Variants in ATG5 observed in about 807,000 individuals in gnomAD.
ATG5 encodes autophagy related 5.
Under a neutral mutation model 36.5 loss-of-function variants are expected in ATG5, and 14 were observed. The ratio of observed to expected loss-of-function variants is 0.38; its 90% CI spans 0.25 to 0.60. The LOEUF is 0.60. Ranked by LOEUF, ATG5 falls within the 20% of genes least tolerant of loss-of-function variation. ATG5 has a pLI of 0.60. For synonymous variants in ATG5, 95 were observed against 101.5 expected (o/e 0.94, Z 0.38); for missense variants, 195 against 326.7 (o/e 0.60, Z 3.11).
intron 7 of ATG5, among the ~76,000 whole-genome samples, chr6:106,193,190 G>C (rs1394365337): frequency 6.6e-6 from 1 of 152,136 alleles, no homozygotes; most frequent in Non-Finnish European, 1.5e-5. Flanking sequence ...AACAGAAGGA[G>C]AGTGCTGTTT....
intron 7 of ATG5, among the ~76,000 whole-genome samples, chr6:106,193,610 G>A (rs1277133538): frequency 2.0e-5 from 3 of 152,076 alleles, no homozygotes; most frequent in Admixed American, 2.0e-4. Context: ...TAAAAATGTG[G>A]TAAAAGTTAA....
At chr6:106,291,640 C>T (rs1050088762) in intron 4 of ATG5, among the ~76,000 whole-genome samples, 16 of 152,050 alleles carry the variant, frequency 1.1e-4, no homozygotes, top group Non-Finnish European at 2.2e-4. Context: ...TTTTCACACA[C>T]AAAAAAATCT....
intron 3 of ATG5, among the ~76,000 whole-genome samples, chr6:106,296,601 T>C (rs745833388): frequency 6.6e-6 from 1 of 152,190 alleles, no homozygotes; most frequent in Admixed American, 6.5e-5. Context: ...GTGGTTCACC[T>C]GAGGTTAGGA....
intron 6 of ATG5, among the ~76,000 whole-genome samples, chr6:106,218,227 T>C (rs1369484097): frequency 2.0e-5 from 3 of 152,172 alleles, no homozygotes; most frequent in African/African-American, 7.2e-5. Flanking sequence ...TAAAAGATGA[T>C]AAACATGGCC....
intron 3 of ATG5, among the ~76,000 whole-genome samples, chr6:106,305,819 C>T (rs1389569583): frequency 6.6e-6 from 1 of 152,156 alleles, no homozygotes; most frequent in Non-Finnish European, 1.5e-5. Flanking sequence ...ATATTGATAG[C>T]CTATTTCCAG....
intron 6 of ATG5, among the ~76,000 whole-genome samples, chr6:106,241,432 T>C (rs940165873): frequency 5.3e-5 from 8 of 152,180 alleles, no homozygotes; most frequent in African/African-American, 1.7e-4. Context: ...GAAAACAGTA[T>C]GGCCATTCCT....
chr6:106,196,629 C>T (rs1165306790), intron 7 of ATG5, among the ~76,000 whole-genome samples: 1 of 151,796 alleles, frequency 6.6e-6, no homozygotes, highest in Non-Finnish European at 1.5e-5. Context: ...GTGACCGAAG[C>T]ACAAGATTGC....
chr6:106,194,207 G>A (rs1023889632), intron 7 of ATG5, among the ~76,000 whole-genome samples: 2 of 152,180 alleles, frequency 1.3e-5, no homozygotes, highest in Admixed American at 6.5e-5. Context: ...GCAATCTGAT[G>A]AGGTTTGGGA....
Position 106,292,943 on chromosome 6 carries a change from A to T in ATG5, c.315+85T>A, listed in dbSNP as rs570996928. The T allele has an allele frequency of 1.3e-5, 14 of 1,068,600 alleles. No individual in the cohort carries two copies. In the South Asian group the frequency reaches 1.7e-4, roughly 13 times the overall value. The allele number at this position is 1,068,600 out of a possible 1,614,324, so 66.2% of individuals were successfully genotyped here. A position where few individuals can be genotyped will look rare whatever the true frequency, so the allele number is the denominator to read the frequency against. ...CAGTGTCAGGGGAAAAGCAATAAATAACTTCACTTAAAAAGAAAATTCTAC... is the reference window on the plus strand; with the variant it reads ...CAGTGTCAGGGGAAAAGCAATAAATTACTTCACTTAAAAAGAAAATTCTAC... On this transcript the variant is annotated intron_variant, in intron 4 of 7. Transcript: ENST00000369076.
At chr6:106,308,936 A>G (rs17066751) in intron 2 of ATG5, among the ~76,000 whole-genome samples, 3,750 of 152,296 alleles carry the variant, frequency 0.025, 65 homozygotes, top group African/African-American at 0.049. Context: ...CCAGTCCATC[A>G]TGTTTTGAAG....
chr6:106,311,572 G>A (rs536448561), intron 2 of ATG5, among the ~76,000 whole-genome samples: 30 of 152,332 alleles, frequency 2.0e-4, no homozygotes, highest in Non-Finnish European at 4.1e-4. Context: ...TTTGAGTGAA[G>A]TCTAAGATGC....
intron 6 of ATG5, among the ~76,000 whole-genome samples, chr6:106,230,595 C>G (rs1313561992): frequency 1.3e-5 from 2 of 152,152 alleles, no homozygotes; most frequent in Non-Finnish European, 2.9e-5. Context: ...ATAGAGGACG[C>G]TCTAGGACTA....
chr6:106,186,480 G>T lies in ATG5; in HGVS notation c.*60C>A. 1.3e-6 allele frequency: 2 copies of T among 1,586,284 alleles called. No homozygotes were observed. The highest frequency in any genetic ancestry group is 4.5e-5 in the East Asian group (2 of 44,624). On this transcript the variant is annotated 3_prime_UTR_variant, in exon 8 of 8. Coordinates refer to ENST00000369076, the MANE Select transcript of ATG5 (RefSeq NM_004849.4). ...CACCAAACCTGATTGAAGCAAAAGG[G>T]TGACATGCTCTGATAAATCCCATTT...
chr6:106,281,104 AAG>A (rs1779862527), intron 4 of ATG5, among the ~76,000 whole-genome samples: 1 of 152,182 alleles, frequency 6.6e-6, no homozygotes, highest in African/African-American at 2.4e-5. Flanking sequence ...AAGATAAAGA[AAG>A]AAGCTCCTGA....
intron 3 of ATG5, among the ~76,000 whole-genome samples, chr6:106,297,847 G>A (rs1162445235): frequency 6.6e-6 from 1 of 151,578 alleles, no homozygotes; most frequent in Non-Finnish European, 1.5e-5. Flanking sequence ...GAGGCAGGTG[G>A]ATTGCTTGAG....
rs1049441356 is a variant in ATG5 at position 106,185,691 on chromosome 6, T to G, written c.*849A>C. The G allele has an allele frequency of 6.6e-6, 1 of 152,306 alleles. No individual in the cohort carries two copies. Among genetic ancestry groups the G allele is most frequent in the African/African-American group, 2.4e-5 (1 of 41,422 alleles). The allele number at this position is 152,306 out of a possible 1,614,324, so 9.4% of individuals were successfully genotyped here. ...CTATGATTTGACAGGCTTACAGTGA[T>G]AAAACAACAAAGATGAACAGTTACA... On this transcript the variant is annotated 3_prime_UTR_variant, in exon 8 of 8. Coordinates refer to ENST00000369076, the MANE Select transcript of ATG5 (RefSeq NM_004849.4).
intron 3 of ATG5, chr6:106,304,207 T>C (rs1049168067): frequency 1.3e-5 from 2 of 152,066 alleles, no homozygotes. Flanking sequence ...GTACTAAAAT[T>C]AGAACGATAC....
At chr6:106,218,063 CA>C (rs1416438871) in intron 6 of ATG5, among the ~76,000 whole-genome samples, 1 of 152,092 alleles carries the variant, frequency 6.6e-6, no homozygotes. Flanking sequence ...ATTTAGGTGA[CA>C]ATTTATCCAT....
Position 106,186,630 on chromosome 6 carries a change from C to T in ATG5, c.738G>A (p.Met246Ile), listed in dbSNP as rs914763225. 3.7e-6 allele frequency: 6 copies of T among 1,613,858 alleles called. No individual in the cohort carries two copies. The highest frequency in any genetic ancestry group is 3.3e-5 in the Admixed American group (2 of 59,976). Residue 246 changes from methionine to isoleucine, a missense_variant, in exon 8 of 8, where the codon ATG becomes ATA. Coordinates refer to ENST00000369076, the MANE Select transcript of ATG5 (RefSeq NM_004849.4). ...NQVMIHGIEP[M>I]LETPLQWLSE... Reference sequence around the variant, plus strand: ...TCAGCCACTGCAGAGGTGTTTCCAACATTGGCTCAATTCCATGAATCATCA... The same window carrying T: ...TCAGCCACTGCAGAGGTGTTTCCAATATTGGCTCAATTCCATGAATCATCA...
Sources: gnomAD v4.1 joint callset for allele counts (sites outside exome capture counted in the v4.1 genomes callset) on GRCh38, gnomAD v4.1.1 for gene constraint, MANE v1.5 for transcripts, NCBI Gene and HGNC (gene_info 2026-07-23, HGNC 2026-07-21) for gene names.